The following GABRR3 variants were observed in gnomAD, a reference collection of about 807,000 sequenced individuals.
The protein encoded by GABRR3 is gamma-aminobutyric acid type A receptor subunit rho3, also known as gamma-aminobutyric acid receptor subunit rho-3.
A neutral mutation model predicts 43.2 loss-of-function variants in GABRR3; 29 were observed. The observed-to-expected ratio is 0.67, with a 90% CI of 0.50 to 0.92. The LOEUF (loss-of-function observed/expected upper bound fraction) is 0.92. GABRR3 is among the 40% of genes least tolerant of loss of function. The probability of loss-of-function intolerance (pLI) is 0.00; values close to 1 mark genes in which losing one functional copy is unlikely to be tolerated. For missense variants in GABRR3, 576 were observed against 572.3 expected, an observed-to-expected ratio of 1.01 and a Z score of -0.07; for synonymous variants, 206 against 195.9, an observed-to-expected ratio of 1.05 and a Z score of -0.43.
chr3:97,986,727 C>T, exon 10 of GABRR3: 2 of 1,580,010 alleles, frequency 1.3e-6, no homozygotes, highest in South Asian at 1.1e-5. Flanking sequence ...AAAATATACA[C>T]AATGGGGAAT....
chr3:98,007,170 G>A (rs1190494226), intron 7 of GABRR3, among the ~76,000 whole-genome samples: 3 of 152,102 alleles, frequency 2.0e-5, no homozygotes, highest in Non-Finnish European at 1.5e-5. Flanking sequence ...AAGGAAGCCT[G>A]TTTTACACGG....
chr3:98,001,819 C>T, intron 7 of GABRR3, 52 bp from the exon 8 acceptor site: 1 of 1,598,950 alleles, frequency 6.3e-7, no homozygotes, highest in East Asian at 2.2e-5. Flanking sequence ...CTTAGAAACA[C>T]TGCACTTAGT....
At chr3:98,008,909 G>T (rs832029) in intron 6 of GABRR3, 47 bp downstream of exon 6, 7 of 1,039,500 alleles carry the variant, frequency 6.7e-6, no homozygotes, top group Non-Finnish European at 1.0e-5. Flanking sequence ...GTATGTGATG[G>T]TGTGTTCAAA....
chr3:98,025,971 C>A (rs1707010040), intron 2 of GABRR3, among the ~76,000 whole-genome samples: 1 of 152,110 alleles, frequency 6.6e-6, no homozygotes, highest in African/African-American at 2.4e-5. Context: ...TGGAAAATCC[C>A]AATTACCTGA....
intron 3 of GABRR3, among the ~76,000 whole-genome samples, chr3:98,024,337 A>C (rs1706984600): frequency 7.0e-6 from 1 of 143,218 alleles, no homozygotes; most frequent in Non-Finnish European, 1.5e-5. Flanking sequence ...CCAGCAATCC[A>C]GCCTGGGTGA....
chr3:98,029,845 A>G (rs1171884250), intron 2 of GABRR3, among the ~76,000 whole-genome samples: 1 of 152,006 alleles, frequency 6.6e-6, no homozygotes, highest in East Asian at 1.9e-4. Context: ...GCCAGGTGCG[A>G]TGGCTCACAC....
chr3:98,021,577 A>T (rs1477374311), intron 3 of GABRR3, among the ~76,000 whole-genome samples: 2 of 152,206 alleles, frequency 1.3e-5, no homozygotes, highest in African/African-American at 4.8e-5. Context: ...ATTAAAACCA[A>T]CTTACATGTT....
In GABRR3 at chr3:98,002,766, T is replaced by C. The variant is rs145754828; in HGVS notation, c.755-999A>G. On this transcript the variant is annotated intron_variant, in intron 7 of 9. Coordinates refer to ENST00000621172, the Ensembl canonical transcript of GABRR3. ...TGCTGTTTATTTTCAAATAACATTA[T>C]TCAAAACACAGGGACTATAGGTCAA... Among the ~76,000 whole-genome samples the C allele has an allele frequency of 8.4e-3, 1,273 of 152,278 alleles. 19 individuals carry two copies. The highest frequency in any genetic ancestry group is 0.029 in the African/African-American group (1,203 of 41,576).
At chr3:98,013,460 A>G (rs1464800885) in intron 4 of GABRR3, among the ~76,000 whole-genome samples, 1 of 152,208 alleles carries the variant, frequency 6.6e-6, no homozygotes, top group Non-Finnish European at 1.5e-5. Context: ...GACAATTACA[A>G]TTTCTTACTT....
In GABRR3 at chr3:98,012,324, C is replaced by CGATA. The variant is rs762434196; in HGVS notation, c.530+16_530+19dup. 21 of 1,594,622 alleles carry CGATA rather than the reference C, an allele frequency of 1.3e-5. No individual in the cohort carries two copies. The African/African-American group carries it at 1.9e-4, about 14-fold the overall frequency. On this transcript the variant is annotated intron_variant, in intron 5 of 9. Transcript: ENST00000621172. The stretch of plus-strand genomic sequence containing the variant: ...GGCTGCAGTACAGGGAAGCCAAAGG[C>CGATA]GATAGGCAGCTTTCCTTACCTGAGA...
chr3:98,025,988 G>T (rs1183368759), intron 2 of GABRR3, among the ~76,000 whole-genome samples: 1 of 152,124 alleles, frequency 6.6e-6, no homozygotes, highest in Non-Finnish European at 1.5e-5. Context: ...CTGAGTGGAG[G>T]TGATCAAAAC....
chr3:98,014,687 A>G (rs1706852348), intron 4 of GABRR3, among the ~76,000 whole-genome samples: 1 of 152,202 alleles, frequency 6.6e-6, no homozygotes, highest in Non-Finnish European at 1.5e-5. Flanking sequence ...GGGTCATAGA[A>G]GATTTTGTTT....
At chr3:97,988,043 G>A (rs16839059) in intron 9 of GABRR3, among the ~76,000 whole-genome samples, 2,240 of 151,764 alleles carry the variant, frequency 0.015, 96 homozygotes, top group East Asian at 0.094. Flanking sequence ...CAGGGCATAC[G>A]ATTCATCCAT....
intron 8 of GABRR3, among the ~76,000 whole-genome samples, chr3:97,996,236 T>C (rs1410890478): frequency 6.6e-6 from 1 of 152,026 alleles, no homozygotes; most frequent in Admixed American, 6.6e-5. Context: ...TTCAAGTGAG[T>C]AAAAATATTT....
At chr3:98,007,692 G>A (rs943251887) in intron 7 of GABRR3, 72 bp downstream of exon 7, 7 of 1,538,606 alleles carry the variant, frequency 4.5e-6, no homozygotes, top group East Asian at 4.5e-5. Context: ...CGGTCTTTTC[G>A]CATGTTGTGG....
exon 5 of GABRR3, chr3:98,012,418 G>T: frequency 1.2e-6 from 2 of 1,613,910 alleles, no homozygotes; most frequent in Non-Finnish European, 1.7e-6. Context: ...CATGGATGAA[G>T]GATCTTTTAG....
At chr3:98,024,366 CAAAAAAAAAAA>C (rs35090836) in intron 3 of GABRR3, among the ~76,000 whole-genome samples, 3 of 42,466 alleles carry the variant, frequency 7.1e-5, no homozygotes, top group East Asian at 5.7e-4. Context: ...GACTCCGTCT[CAAAAAAAAAAA>C]AAAAAAAAAA....
exon 10 of GABRR3, chr3:97,986,773 T>C (rs765131276): frequency 1.9e-6 from 3 of 1,608,048 alleles, no homozygotes; most frequent in Non-Finnish European, 2.5e-6. Context: ...CATGGTTGTT[T>C]TCCAGAATGA....
intron 3 of GABRR3, among the ~76,000 whole-genome samples, chr3:98,020,334 T>G (rs1255314163): frequency 6.6e-6 from 1 of 151,702 alleles, no homozygotes; most frequent in Non-Finnish European, 1.5e-5. Context: ...TAATTTGTAG[T>G]CAATAAATGG....
Sources: allele counts gnomAD v4.1 joint callset (sites outside exome capture counted in the v4.1 genomes callset), GRCh38; gene constraint gnomAD v4.1.1; transcripts MANE v1.5; gene names NCBI Gene and HGNC (gene_info 2026-07-23, HGNC 2026-07-21).